The following SPACA7 variants were observed in gnomAD, a reference collection of about 807,000 sequenced individuals.
SPACA7 encodes the protein sperm acrosome associated 7.
Under a neutral mutation model 26.3 loss-of-function variants are expected in SPACA7, and 19 were observed. The observed-to-expected ratio is 0.72, with a 90% confidence interval of 0.50 to 1.06. SPACA7 has a LOEUF of 1.06. Among genes scored for constraint, SPACA7 ranks in the 50% least tolerant of loss-of-function variants. The pLI is 0.00. For synonymous variants in SPACA7, 84 were observed against 84.5 expected (o/e 0.99, Z 0.04); for missense variants, 211 against 229.9 (o/e 0.92, Z 0.53).
At chr13:112,400,971 A>G in intron 4 of SPACA7, 98 bp from the exon 5 acceptor site, 9 of 839,390 alleles carry the variant, frequency 1.1e-5, no homozygotes, top group Non-Finnish European at 1.5e-5. Flanking sequence ...TGATATTAGC[A>G]TCTCAACTTA....
intron 5 of SPACA7, among the ~76,000 whole-genome samples, chr13:112,416,136 C>T (rs937747843): frequency 1.3e-5 from 2 of 152,032 alleles, no homozygotes; most frequent in African/African-American, 2.4e-5. Flanking sequence ...AAACTAGGTA[C>T]TATGATCACT....
chr13:112,383,068 AAGAG>A (rs1295995860), intron 1 of SPACA7, among the ~76,000 whole-genome samples: 1 of 83,116 alleles, frequency 1.2e-5, no homozygotes, highest in Non-Finnish European at 2.4e-5. Context: ...AAGAGACAGA[AAGAG>A]AAAGAAAGAA....
chr13:112,419,158 G>C (rs1016067517), intron 5 of SPACA7, among the ~76,000 whole-genome samples: 4 of 152,276 alleles, frequency 2.6e-5, no homozygotes, highest in Non-Finnish European at 5.9e-5. Flanking sequence ...ATTCAAAAAA[G>C]AGGCAAGCCT....
chr13:112,396,275 C>T (rs79300234), intron 2 of SPACA7, among the ~76,000 whole-genome samples: 40,356 of 151,176 alleles, frequency 0.27, 5,505 homozygotes, highest in African/African-American at 0.38. Context: ...CGGGGGTGAT[C>T]CCCAGTAACA....
intron 1 of SPACA7, among the ~76,000 whole-genome samples, chr13:112,380,602 G>C (rs1883993544): frequency 6.6e-6 from 1 of 151,854 alleles, no homozygotes; most frequent in African/African-American, 2.4e-5. Flanking sequence ...TTTTTTCTCA[G>C]AGACTCGTTA....
chr13:112,390,534 G>C (rs1884818776), intron 1 of SPACA7, among the ~76,000 whole-genome samples: 2 of 152,134 alleles, frequency 1.3e-5, no homozygotes, highest in African/African-American at 4.8e-5. Flanking sequence ...CCTGAGACTG[G>C]GTAATTTATG....
At chr13:112,413,889 G>A (rs944010782) in intron 5 of SPACA7, among the ~76,000 whole-genome samples, 1 of 152,166 alleles carries the variant, frequency 6.6e-6, no homozygotes, top group African/African-American at 2.4e-5. Flanking sequence ...AGTTATGCAG[G>A]CTGTACAGGA....
At chr13:112,415,366 C>T (rs1181599806) in intron 5 of SPACA7, among the ~76,000 whole-genome samples, 5 of 152,216 alleles carry the variant, frequency 3.3e-5, no homozygotes, top group Admixed American at 1.3e-4. Flanking sequence ...TTATTCGAGG[C>T]TCACGGTCAC....
intron 1 of SPACA7, among the ~76,000 whole-genome samples, chr13:112,377,595 A>G (rs745714643): frequency 1.1e-4 from 16 of 152,182 alleles, no homozygotes; most frequent in Non-Finnish European, 2.1e-4. Context: ...GGCCAAGACT[A>G]GGGGATTTCC....
At chr13:112,411,627 C>G (rs1886357418) in intron 5 of SPACA7, among the ~76,000 whole-genome samples, 1 of 152,070 alleles carries the variant, frequency 6.6e-6, no homozygotes, top group South Asian at 2.1e-4. Context: ...TGGTAACCAC[C>G]ATTGCACTCT....
At chr13:112,383,901 G>A (rs1284982988) in intron 1 of SPACA7, among the ~76,000 whole-genome samples, 1 of 152,200 alleles carries the variant, frequency 6.6e-6, no homozygotes. Flanking sequence ...TAACTATACT[G>A]CCATAAATTG....
At chr13:112,432,604 C>G in intron 6 of SPACA7, 83 bp downstream of exon 6, 1 of 1,078,642 alleles carries the variant, frequency 9.3e-7, no homozygotes, top group East Asian at 2.4e-5. Context: ...CCGAGCAGCT[C>G]CAGGGAGAGC....
chr13:112,428,054 T>C (rs1417341454), intron 5 of SPACA7, among the ~76,000 whole-genome samples: 2 of 152,218 alleles, frequency 1.3e-5, no homozygotes, highest in Non-Finnish European at 2.9e-5. Flanking sequence ...TTCTTTCCTC[T>C]GCTTATTGTA....
At chr13:112,384,369 TAGG>T (rs1428906869) in intron 1 of SPACA7, among the ~76,000 whole-genome samples, 2 of 152,074 alleles carry the variant, frequency 1.3e-5, no homozygotes, top group Non-Finnish European at 2.9e-5. Context: ...ATTAGAATTA[TAGG>T]AGTTTTACAT....
At chr13:112,393,908 C>A (rs533905248) in intron 2 of SPACA7, among the ~76,000 whole-genome samples, 2 of 152,020 alleles carry the variant, frequency 1.3e-5, no homozygotes, top group East Asian at 3.9e-4. Context: ...ATCCCTTGAA[C>A]CCTGGAGGCA....
At chr13:112,392,893 G>A (rs1398756023) in intron 1 of SPACA7, 128 bp from the exon 2 acceptor site, 2 of 638,556 alleles carry the variant, frequency 3.1e-6, no homozygotes, top group Non-Finnish European at 5.2e-6. Flanking sequence ...AGGAGAGACT[G>A]GAACTTGGGC....
chr13:112,399,240 G>A, intron 4 of SPACA7, 67 bp downstream of exon 4: 1 of 850,116 alleles, frequency 1.2e-6, no homozygotes, highest in Non-Finnish European at 2.0e-6. Context: ...GAGGCAGGCA[G>A]ACGCAGGCGG....
intron 5 of SPACA7, among the ~76,000 whole-genome samples, chr13:112,411,055 A>T (rs1042997506): frequency 6.6e-6 from 1 of 152,110 alleles, no homozygotes; most frequent in Admixed American, 6.6e-5. Context: ...GCTCATTTAC[A>T]TTATCAATGT....
chr13:112,383,120 GA>G (rs375940616), intron 1 of SPACA7, among the ~76,000 whole-genome samples: 2,833 of 10,738 alleles, frequency 0.26, 162 homozygotes, highest in African/African-American at 0.42. Flanking sequence ...GAAAAGAAAA[GA>G]AAAGAAAGAA....
Sources: allele counts gnomAD v4.1 joint callset (sites outside exome capture counted in the v4.1 genomes callset), GRCh38; gene constraint gnomAD v4.1.1; transcripts MANE v1.5; gene names NCBI Gene and HGNC (gene_info 2026-07-23, HGNC 2026-07-21).